Variants in ZER1 observed in about 807,000 individuals in gnomAD.
The protein encoded by ZER1 is zyg-11 related cell cycle regulator, also known as protein zer-1 homolog.
In ZER1, 11 loss-of-function variants were observed where a neutral mutation model predicts 78.8. The observed-to-expected ratio is 0.14, with a 90% CI of 0.09 to 0.23. The LOEUF (loss-of-function observed/expected upper bound fraction) is 0.23. Among genes scored for constraint, ZER1 ranks in the 10% least tolerant of loss-of-function variants. The pLI, the probability that ZER1 is intolerant of heterozygous loss-of-function variation, is 1.00. For synonymous variants in ZER1, 400 were observed against 407.0 expected (o/e 0.98, Z 0.21); for missense variants, 588 against 996.9 (o/e 0.59, Z 5.52).
Position 128,737,232 on chromosome 9 carries a change from C to T in ZER1, c.2043-1801G>A, listed in dbSNP as rs895458462. ...CTCCTGAGCTCAAGTGATCTTCCTGCCTTGGCCTCCCAAAGTGGCTGGGAT... is the reference window on the plus strand; with the variant it reads ...CTCCTGAGCTCAAGTGATCTTCCTGTCTTGGCCTCCCAAAGTGGCTGGGAT... On this transcript the variant is annotated intron_variant, in intron 13 of 15. Transcript: ENST00000291900. Among the ~76,000 whole-genome samples, 4 of 152,100 alleles carry T rather than the reference C, an allele frequency of 2.6e-5. No individual in the cohort carries two copies. In the East Asian group the frequency reaches 7.8e-4, roughly 30 times the overall value.
In ZER1 at chr9:128,753,408, C is replaced by T. The variant is rs779677142; in HGVS notation, c.502G>A (p.Asp168Asn). 1.2e-6 allele frequency: 2 copies of T among 1,614,152 alleles called. No homozygotes were observed. The highest frequency in any genetic ancestry group is 1.1e-5 in the South Asian group (1 of 91,076). The change falls in exon 4 of 16, where the codon GAT (aspartate) becomes AAT (asparagine). Residue 168 changes from aspartate to asparagine, a missense_variant. By Grantham distance (23) the Asp-to-Asn change is conservative. This residue lies in a region of ZER1 where 406 missense variants were observed against 660.1 expected (regional missense o/e 0.62). Transcript: ENST00000291900. This position sits in a 1 kb window ranked among gnomAD's most constrained non-coding sequence, Gnocchi z 7.5. ...VNPTCQVLVK[D>N]FTFEGFSRLR... ...CGGCTGAAGCCCTCGAAGGTGAAAT[C>T]CTTAACCAGCACCTGGCAGGTGGGG...
At chr9:128,767,742 C>G (rs988411980) in intron 1 of ZER1, among the ~76,000 whole-genome samples, 2 of 152,170 alleles carry the variant, frequency 1.3e-5, no homozygotes, top group African/African-American at 4.8e-5. Context: ...CGAGCCTCCG[C>G]CGCTTCCTTA....
chr9:128,732,683 G>A lies in ZER1; in HGVS notation c.2243+743C>T, dbSNP rs941860364. ...GCCTGGCCAGTAGCGCCTTTGGCCAGATATAATAGCAGAACCAGCTGACAC... is the reference window on the plus strand; with the variant it reads ...GCCTGGCCAGTAGCGCCTTTGGCCAAATATAATAGCAGAACCAGCTGACAC... On this transcript the variant is annotated intron_variant, in intron 15 of 15. Coordinates refer to ENST00000291900, the MANE Select transcript of ZER1 (RefSeq NM_006336.4). The surrounding 1 kb of genome is among the most constrained non-coding windows in gnomAD (Gnocchi z 4.8). 6.6e-6 allele frequency among the ~76,000 whole-genome samples: 1 copy of A among 152,194 alleles called. No homozygotes were observed. Among genetic ancestry groups the A allele is most frequent in the Admixed American group, 6.5e-5 (1 of 15,280 alleles).
At chr9:128,736,377 T>C (rs1589516886) in intron 13 of ZER1, among the ~76,000 whole-genome samples, 1 of 151,398 alleles carries the variant, frequency 6.6e-6, no homozygotes, top group African/African-American at 2.4e-5. Context: ...TGAACCACCA[T>C]GTCCAGCCCT....
intron 15 of ZER1, 41 bp from the exon 16 acceptor site, chr9:128,731,435 G>C (rs1289676750): frequency 2.1e-6 from 3 of 1,419,830 alleles, no homozygotes; most frequent in Admixed American, 3.5e-5. Flanking sequence ...GGTGGGCTTG[G>C]GTGGGGGTGA....
chr9:128,763,105 C>G (rs889799177), intron 1 of ZER1, among the ~76,000 whole-genome samples: 1 of 152,152 alleles, frequency 6.6e-6, no homozygotes, highest in African/African-American at 2.4e-5. Flanking sequence ...CAACCAGGAC[C>G]ATCCAAATTC....
chr9:128,736,633 A>G (rs1354044155), intron 13 of ZER1, among the ~76,000 whole-genome samples: 1 of 150,394 alleles, frequency 6.6e-6, no homozygotes, highest in African/African-American at 2.4e-5. Context: ...TTGGCCTCCC[A>G]AAGTGCTAGG....
intron 14 of ZER1, 95 bp from the exon 15 acceptor site, chr9:128,733,623 G>T: frequency 8.7e-7 from 1 of 1,153,286 alleles, no homozygotes; most frequent in Non-Finnish European, 1.3e-6. Flanking sequence ...CTATCCTGGT[G>T]TCGGGGGTGT....
chr9:128,738,790 T>A (rs1167751496), intron 13 of ZER1, among the ~76,000 whole-genome samples: 1 of 150,200 alleles, frequency 6.7e-6, no homozygotes, highest in African/African-American at 2.5e-5. Flanking sequence ...CAAGTGACCC[T>A]CCTGCCTCAG....
rs760718189 is a variant in ZER1, at chr9:128,751,438, C to T, written c.1013G>A (p.Arg338His). The change falls in exon 6 of 16, where the codon CGC becomes CAC. Residue 338 changes from arginine to histidine, a missense_variant. This residue lies in a region of ZER1 where 406 missense variants were observed against 660.1 expected (regional missense o/e 0.62). Coordinates refer to ENST00000291900, the MANE Select transcript of ZER1 (RefSeq NM_006336.4). The surrounding 1 kb of genome is among the most constrained non-coding windows in gnomAD (Gnocchi z 5.4). Reference sequence around the variant, plus strand: ...TTTGTAGGCTGGAATGTGCGTGAGGCGGCACAGAGAGTTCTCAAAGAGCCC... The same window carrying T: ...TTTGTAGGCTGGAATGTGCGTGAGGTGGCACAGAGAGTTCTCAAAGAGCCC... The part of the protein sequence containing the change: ...FLGLFENSLC[R>H]LTHIPAYKVS... 1.9e-5 allele frequency: 31 copies of T among 1,613,960 alleles called. No individual in the cohort carries two copies. The highest frequency in any genetic ancestry group is 5.5e-5 in the South Asian group (5 of 91,088).
Position 128,740,864 on chromosome 9 carries a change from C to T in ZER1, c.1761G>A (p.Leu587=). The change falls in exon 12 of 16, where the codon CTG becomes CTA. Residue 587 remains leucine (L), a synonymous_variant. Coordinates refer to ENST00000291900, the MANE Select transcript of ZER1 (RefSeq NM_006336.4). This position sits in a 1 kb window ranked among gnomAD's most constrained non-coding sequence, Gnocchi z 4.4. Reference sequence around the variant, plus strand: ...CCAAAAGTCCTAGCATATTCCTATGCAGTTCCTGCTTCTCTGGGAATTCCT... The same window carrying T: ...CCAAAAGTCCTAGCATATTCCTATGTAGTTCCTGCTTCTCTGGGAATTCCT... ...CLKEFPEKQE[L]HRNMLGLLGN... 1 of 781,046 alleles carries T rather than the reference C, an allele frequency of 1.3e-6. No homozygotes were observed. The highest frequency in any genetic ancestry group is 2.4e-6 in the Non-Finnish European group (1 of 418,108). 48.4% of individuals were successfully genotyped at this position (781,046 alleles called of 1,614,324 possible). A position where few individuals can be genotyped will look rare whatever the true frequency, so the allele number is the denominator to read the frequency against.
At chr9:128,750,217 T>C (rs922520898) in intron 8 of ZER1, among the ~76,000 whole-genome samples, 2 of 152,246 alleles carry the variant, frequency 1.3e-5, no homozygotes, top group Non-Finnish European at 2.9e-5. Flanking sequence ...GGTGCCTGTC[T>C]CTGGGTAGTG....
chr9:128,757,110 T>G (rs994184207), intron 1 of ZER1, among the ~76,000 whole-genome samples: 4 of 152,146 alleles, frequency 2.6e-5, no homozygotes, highest in Non-Finnish European at 4.4e-5. Flanking sequence ...ACAATAAGGT[T>G]TCTAGAAGAA....
rs1199522019 is a variant in ZER1, at chr9:128,753,949, G to C, written c.169C>G (p.Leu57Val). 1 of 1,587,184 alleles carries C rather than the reference G, an allele frequency of 6.3e-7. No individual in the cohort carries two copies. Among genetic ancestry groups the C allele is most frequent in the South Asian group, 1.1e-5 (1 of 87,060 alleles). ...CDRLVNEYVE[L>V]VNAACNFEPH... ...TCGAAGTTACAGGCAGCGTTCACCA[G>C]CTCCACATACCTGGGAGAGAAAAAA... The change falls in exon 3 of 16, where the codon CTG becomes GTG. Residue 57 changes from leucine (L) to valine (V), a missense_variant. Coordinates refer to ENST00000291900, the MANE Select transcript of ZER1 (RefSeq NM_006336.4). The surrounding 1 kb of genome is among the most constrained non-coding windows in gnomAD (Gnocchi z 7.5).
In ZER1 at chr9:128,738,145, C is replaced by A. The variant is rs572590576; in HGVS notation, c.2042+1786G>T. On this transcript the variant is annotated intron_variant, in intron 13 of 15. Coordinates refer to ENST00000291900, the MANE Select transcript of ZER1 (RefSeq NM_006336.4). ...CTGCAAGCTCCGCCTCCCAGGTTCA[C>A]GCCATTCTCCTGCCTCAGCCTCCCG... Among the ~76,000 whole-genome samples, 1,217 of 148,910 alleles carry A rather than the reference C, an allele frequency of 8.2e-3. 5 individuals carry two copies. The highest frequency in any genetic ancestry group is 0.014 in the Non-Finnish European group (928 of 67,390).
intron 1 of ZER1, among the ~76,000 whole-genome samples, chr9:128,764,683 C>A (rs924924120): frequency 6.6e-6 from 1 of 152,186 alleles, no homozygotes. Flanking sequence ...CATCCAGCTG[C>A]GGGCCTGGCA....
chr9:128,756,984 G>A (rs1425518159), intron 1 of ZER1, among the ~76,000 whole-genome samples: 1 of 152,126 alleles, frequency 6.6e-6, no homozygotes, highest in Non-Finnish European at 1.5e-5. Flanking sequence ...CTCAAGAGGT[G>A]CTAACCAGGA....
At position 128,740,635 on chromosome 9, in the gene ZER1, A is replaced by G; in HGVS notation, c.1853+137T>C. ...GGACCACTTACGAAGGATTGAATGA[A>G]TAAGAAACCACATTATCGAGGGAAA... On this transcript the variant is annotated intron_variant, in intron 12 of 15. Coordinates refer to ENST00000291900, the MANE Select transcript of ZER1 (RefSeq NM_006336.4). The surrounding 1 kb of genome is among the most constrained non-coding windows in gnomAD (Gnocchi z 4.4). The G allele has an allele frequency of 5.0e-6, 3 of 595,110 alleles. No homozygotes were observed. The highest frequency in any genetic ancestry group is 9.1e-6 in the Non-Finnish European group (3 of 330,100). The allele number at this position is 595,110 out of a possible 1,614,324, so 36.9% of individuals were successfully genotyped here. A position where few individuals can be genotyped will look rare whatever the true frequency, so the allele number is the denominator to read the frequency against.
chr9:128,751,317 G>C lies in ZER1; in HGVS notation c.1039-49C>G, dbSNP rs1793998922. 5 of 1,605,420 alleles carry C rather than the reference G, an allele frequency of 3.1e-6. No homozygotes were observed. The highest frequency in any genetic ancestry group is 4.3e-6 in the Non-Finnish European group (5 of 1,173,560). ...CAACCCAGCAGAGGCCAAGGGCTGG[G>C]ATGCCAGATCCCAGCTCAGTCTCCA... On this transcript the variant is annotated intron_variant, in intron 6 of 15. Transcript: ENST00000291900. This position sits in a 1 kb window ranked among gnomAD's most constrained non-coding sequence, Gnocchi z 5.4.
Sources: allele counts gnomAD v4.1 joint callset (sites outside exome capture counted in the v4.1 genomes callset), GRCh38; gene constraint gnomAD v4.1.1; regional missense constraint gnomAD v4.1.1; non-coding constraint Gnocchi (gnomAD v3.1); transcripts MANE v1.5; gene names NCBI Gene and HGNC (gene_info 2026-07-23, HGNC 2026-07-21).